Variants in TFB1M observed in about 807,000 individuals in gnomAD.
The protein encoded by TFB1M is transcription factor B1, mitochondrial.
TFB1M carries 27 observed loss-of-function variants against 31.1 expected under a neutral mutation model. That is an observed-to-expected ratio of 0.87 (90% CI 0.64 to 1.20). The LOEUF (loss-of-function observed/expected upper bound fraction) is 1.20. TFB1M is among the 50% of genes most tolerant of loss of function. TFB1M has a pLI of 0.00. For missense variants in TFB1M, 394 were observed against 418.7 expected (o/e 0.94, Z 0.51); for synonymous variants, 166 against 151.8 (o/e 1.09, Z -0.69).
At chr6:155,267,017 T>G (rs1366170889) in intron 5 of TFB1M, among the ~76,000 whole-genome samples, 1 of 147,684 alleles carries the variant, frequency 6.8e-6, no homozygotes, top group African/African-American at 2.5e-5. Flanking sequence ...TCGCCCAGGC[T>G]GGAGTGCAGT....
At chr6:155,252,468 A>G (rs907553914), downstream of TFB1M, among the ~76,000 whole-genome samples, 9 of 152,180 alleles carry the variant, frequency 5.9e-5, no homozygotes, top group African/African-American at 1.9e-4. Flanking sequence ...GACCCTGTCA[A>G]TAAATACATA....
intron 2 of TFB1M, among the ~76,000 whole-genome samples, chr6:155,307,778 TA>T (rs1777848556): frequency 6.6e-6 from 1 of 151,924 alleles, no homozygotes; most frequent in African/African-American, 2.4e-5. Context: ...TAAAATACAC[TA>T]ACGATAGCAG....
the TFB1M span, chr6:155,245,701 C>T: frequency 6.2e-7 from 1 of 1,611,580 alleles, no homozygotes; most frequent in Non-Finnish European, 8.5e-7. Context: ...CTGTGCTAAC[C>T]ATATCAAAGT....
At chr6:155,310,207 T>C (rs943536869) in intron 2 of TFB1M, among the ~76,000 whole-genome samples, 23 of 152,208 alleles carry the variant, frequency 1.5e-4, no homozygotes, top group African/African-American at 5.3e-4. Context: ...ATAACGTAGA[T>C]AACTACATTA....
chr6:155,296,455 T>G (rs12216317), intron 4 of TFB1M, among the ~76,000 whole-genome samples: 1 of 145,746 alleles, frequency 6.9e-6, no homozygotes, highest in Non-Finnish European at 1.5e-5. Flanking sequence ...TTTTTTTGTA[T>G]TTTTAGTAGA....
intron 5 of TFB1M, among the ~76,000 whole-genome samples, chr6:155,278,407 C>G (rs1785318232): frequency 6.6e-6 from 1 of 152,222 alleles, no homozygotes; most frequent in South Asian, 2.1e-4. Context: ...TAAAAACGCT[C>G]TATTTAAGAA....
intron 2 of TFB1M, among the ~76,000 whole-genome samples, chr6:155,309,004 A>G (rs553369394): frequency 6.6e-6 from 1 of 152,358 alleles, no homozygotes; most frequent in Admixed American, 6.5e-5. Context: ...TTTCCTGCAT[A>G]TAAGATACTA....
the TFB1M span, chr6:155,244,037 C>T: frequency 6.2e-7 from 1 of 1,614,062 alleles, no homozygotes; most frequent in Non-Finnish European, 8.5e-7. Context: ...TTGAATTATA[C>T]TTGGAGCCAC....
chr6:155,286,384 A>G (rs1050920450), intron 4 of TFB1M, among the ~76,000 whole-genome samples: 5 of 151,610 alleles, frequency 3.3e-5, no homozygotes, highest in African/African-American at 9.7e-5. Flanking sequence ...ACACACATAT[A>G]TGTATATATG....
the TFB1M span, chr6:155,245,768 T>TTTTTG: frequency 1.4e-6 from 2 of 1,441,044 alleles, no homozygotes; most frequent in Non-Finnish European, 1.9e-6. Context: ...TTTTTTTTTT[T>TTTTTG]TTGCATTTTT....
chr6:155,305,832 T>C (rs1388073261), intron 2 of TFB1M, among the ~76,000 whole-genome samples: 1 of 141,990 alleles, frequency 7.0e-6, no homozygotes, highest in Non-Finnish European at 1.5e-5. Context: ...AAATAAGACA[T>C]AAAAAGCATA....
intron 5 of TFB1M, among the ~76,000 whole-genome samples, chr6:155,277,838 C>T (rs916024801): frequency 1.3e-5 from 2 of 152,182 alleles, no homozygotes; most frequent in African/African-American, 4.8e-5. Context: ...AATTAATGTG[C>T]TAGAACTGCT....
chr6:155,311,148 C>T (rs754351824), intron 2 of TFB1M, 40 bp downstream of exon 2: 3 of 1,611,874 alleles, frequency 1.9e-6, no homozygotes, highest in Middle Eastern at 1.7e-4. Flanking sequence ...GATTTAAATT[C>T]AGCTTTTGCC....
At chr6:155,275,686 G>A (rs371022261) in intron 5 of TFB1M, 182 of 1,570,166 alleles carry the variant, frequency 1.2e-4, no homozygotes, top group Non-Finnish European at 1.6e-4. Context: ...TAAACATCAG[G>A]ATTTTCTAAG....
chr6:155,250,501 A>G, the TFB1M span: 8 of 1,515,970 alleles, frequency 5.3e-6, no homozygotes, highest in African/African-American at 1.4e-5. Context: ...TCAGTCCTTC[A>G]CTCTGGCCAG....
chr6:155,267,134 C>T (rs78813843), intron 5 of TFB1M, among the ~76,000 whole-genome samples: 9,558 of 151,808 alleles, frequency 0.063, 379 homozygotes, highest in East Asian at 0.18. Context: ...GGCACCACAC[C>T]CGGCCAATTT....
At chr6:155,286,435 GTCTTT>G (rs543823888) in intron 4 of TFB1M, among the ~76,000 whole-genome samples, 4 of 150,214 alleles carry the variant, frequency 2.7e-5, no homozygotes, top group African/African-American at 9.8e-5. Flanking sequence ...ATCTATGTAT[GTCTTT>G]TCTTATATAG....
chr6:155,243,497 T>C, the TFB1M span, among the ~76,000 whole-genome samples: 2 of 152,198 alleles, frequency 1.3e-5, no homozygotes, highest in Non-Finnish European at 2.9e-5. Flanking sequence ...TTGCCTGTAT[T>C]GTGATATTAA....
At chr6:155,294,763 T>C (rs528536489) in intron 4 of TFB1M, among the ~76,000 whole-genome samples, 14 of 152,300 alleles carry the variant, frequency 9.2e-5, no homozygotes, top group South Asian at 6.2e-4. Context: ...ATCTATGCAG[T>C]GGTGAAGATT....
Sources: gnomAD v4.1 joint callset for allele counts (sites outside exome capture counted in the v4.1 genomes callset) on GRCh38, gnomAD v4.1.1 for gene constraint, MANE v1.5 for transcripts, NCBI Gene and HGNC (gene_info 2026-07-23, HGNC 2026-07-21) for gene names.